DPH6: variants seen among roughly 807,000 people sequenced by gnomAD.
The protein encoded by DPH6 is diphthamine biosynthesis 6, also known as diphthine--ammonia ligase.
DPH6 carries 33 observed loss-of-function variants against 38.2 expected under a neutral mutation model. The ratio of observed to expected loss-of-function variants is 0.86; its 90% CI spans 0.65 to 1.15. The LOEUF (loss-of-function observed/expected upper bound fraction) is 1.15, where lower values mean the gene tolerates loss of function less well. DPH6 is among the 50% of genes most tolerant of loss of function. The pLI is 0.00. For synonymous variants in DPH6, 108 were observed against 103.0 expected (o/e 1.05, Z -0.30); for missense variants, 325 against 320.0 (o/e 1.02, Z -0.12).
In DPH6 at chr15:35,277,874, G is replaced by A. The variant is rs545523314; in HGVS notation, n.201-57292C>T. 8.3e-4 allele frequency among the ~76,000 whole-genome samples: 126 copies of A among 152,194 alleles called. 2 individuals carry two copies. Among genetic ancestry groups the A allele is most frequent in the Non-Finnish European group, 2.1e-4 (14 of 68,036 alleles). ...TTCTAAGCAGCAAAGTGTTCAAGAT[G>A]TGGCCTGGCTGCTTCTAAGAGCCTA... On this transcript the variant is annotated intron_variant and non_coding_transcript_variant, in intron 3 of 3. Transcript: ENST00000560386.
At chr15:35,265,382 T>A (rs1028353590) in intron 3 of DPH6, among the ~76,000 whole-genome samples, 2 of 152,228 alleles carry the variant, frequency 1.3e-5, no homozygotes, top group African/African-American at 4.8e-5. Flanking sequence ...CTTGAAGGCA[T>A]CCACAATATT....
chr15:35,285,338 A>G (rs971052384), intron 3 of DPH6, among the ~76,000 whole-genome samples: 1 of 151,864 alleles, frequency 6.6e-6, no homozygotes, highest in Non-Finnish European at 1.5e-5. Flanking sequence ...CGTGGGAGGG[A>G]CCTAGTGGGA....
chr15:35,235,089 T>C (rs2051542080), intron 3 of DPH6, among the ~76,000 whole-genome samples: 1 of 152,346 alleles, frequency 6.6e-6, no homozygotes, highest in Admixed American at 6.5e-5. Context: ...GGAGATGTTG[T>C]CAGTGCTCTG....
chr15:35,448,500 A>G (rs925299479), intron 5 of DPH6, among the ~76,000 whole-genome samples: 6 of 152,162 alleles, frequency 3.9e-5, no homozygotes, highest in African/African-American at 1.4e-4. Flanking sequence ...ACACATACAG[A>G]CATATATCAT....
At chr15:35,459,737 G>A (rs978779837) in intron 3 of DPH6, among the ~76,000 whole-genome samples, 5 of 152,068 alleles carry the variant, frequency 3.3e-5, no homozygotes, top group African/African-American at 7.2e-5. Context: ...GAAGACGTTC[G>A]AAAAGAGTGG....
intron 3 of DPH6, among the ~76,000 whole-genome samples, chr15:35,221,728 GT>G (rs1566842579): frequency 6.6e-6 from 1 of 152,158 alleles, no homozygotes; most frequent in Non-Finnish European, 1.5e-5. Flanking sequence ...TGGCTACCCC[GT>G]TGGTATTCTC....
At chr15:35,529,003 CA>C (rs1264205600) in intron 3 of DPH6, among the ~76,000 whole-genome samples, 3 of 152,200 alleles carry the variant, frequency 2.0e-5, no homozygotes, top group South Asian at 4.1e-4. Flanking sequence ...CAAATTGAAC[CA>C]CTCTATTTCC....
At chr15:35,469,721 T>C (rs2054173622) in intron 3 of DPH6, among the ~76,000 whole-genome samples, 2 of 152,128 alleles carry the variant, frequency 1.3e-5, no homozygotes, top group Admixed American at 6.5e-5. Context: ...AGTAGACAGT[T>C]GGTTATGGAG....
chr15:35,355,970 G>GC, intron 3 of DPH6, among the ~76,000 whole-genome samples: 2 of 152,258 alleles, frequency 1.3e-5, no homozygotes, highest in Middle Eastern at 3.4e-3. Context: ...TTTCTTGGAG[G>GC]CTTTGTTCAT....
At chr15:35,459,751 T>A (rs2054040317) in intron 3 of DPH6, among the ~76,000 whole-genome samples, 1 of 152,044 alleles carries the variant, frequency 6.6e-6, no homozygotes, top group Non-Finnish European at 1.5e-5. Context: ...AGAGTGGTCA[T>A]AATGACAGAA....
At chr15:35,373,023 T>C (rs2052733000) in intron 8 of DPH6, among the ~76,000 whole-genome samples, 1 of 151,994 alleles carries the variant, frequency 6.6e-6, no homozygotes, top group Non-Finnish European at 1.5e-5. Flanking sequence ...TACTGTATCT[T>C]GACAGTGTAT....
At chr15:35,157,644 C>T in the DPH6 span, among the ~76,000 whole-genome samples, 1 of 152,086 alleles carries the variant, frequency 6.6e-6, no homozygotes, top group African/African-American at 2.4e-5. Flanking sequence ...TCTTGCTCTT[C>T]TGCTCCTATG....
At chr15:35,473,939 T>C (rs1435166186) in intron 3 of DPH6, among the ~76,000 whole-genome samples, 1 of 80,838 alleles carries the variant, frequency 1.2e-5, no homozygotes, top group Non-Finnish European at 2.7e-5. Flanking sequence ...TGTGTGTGTG[T>C]GTGTGTGTGT....
intron 3 of DPH6, among the ~76,000 whole-genome samples, chr15:35,459,052 G>C (rs1347642358): frequency 1.3e-5 from 2 of 152,158 alleles, no homozygotes; most frequent in African/African-American, 4.8e-5. Context: ...AAAATACTCT[G>C]TTTATTTAGT....
chr15:35,544,465 A>T (rs973981073), intron 1 of DPH6, among the ~76,000 whole-genome samples: 2 of 152,100 alleles, frequency 1.3e-5, no homozygotes, highest in Non-Finnish European at 2.9e-5. Context: ...AAAAAACTGC[A>T]CGTTCTGCAC....
chr15:35,468,543 G>A (rs557092579), intron 3 of DPH6, among the ~76,000 whole-genome samples: 2 of 152,194 alleles, frequency 1.3e-5, no homozygotes, highest in African/African-American at 2.4e-5. Flanking sequence ...TCCCTTTCAC[G>A]GTAGGAGCAA....
chr15:35,450,313 A>C (rs1421506378), intron 5 of DPH6, among the ~76,000 whole-genome samples: 1 of 151,978 alleles, frequency 6.6e-6, no homozygotes, highest in African/African-American at 2.4e-5. Context: ...ATATTATAAA[A>C]AGCTTCCAAA....
the DPH6 span, among the ~76,000 whole-genome samples, chr15:35,152,652 A>G: frequency 6.6e-6 from 1 of 152,104 alleles, no homozygotes; most frequent in East Asian, 1.9e-4. Flanking sequence ...GGCATGTGCC[A>G]CCACACCTGG....
At position 35,381,466 on chromosome 15, in the gene DPH6, G is replaced by T. The variant is rs146134602; in HGVS notation, c.662+356C>A. On this transcript the variant is annotated intron_variant, in intron 7 of 8. Coordinates refer to ENST00000256538, the MANE Select transcript of DPH6 (RefSeq NM_080650.4). ...GAGTTAATGGAACCCACAGGCTACT[G>T]ATGTGGCAGTTTATCAAATGTAGCT... 1.3e-3 allele frequency among the ~76,000 whole-genome samples: 192 copies of T among 152,320 alleles called. 1 individual carries two copies. Among genetic ancestry groups the T allele is most frequent in the African/African-American group, 4.5e-3 (188 of 41,568 alleles).
Sources: allele counts gnomAD v4.1 joint callset (sites outside exome capture counted in the v4.1 genomes callset), GRCh38; gene constraint gnomAD v4.1.1; transcripts MANE v1.5; gene names NCBI Gene and HGNC (gene_info 2026-07-23, HGNC 2026-07-21).